HS3ST3B1: variants seen among roughly 807,000 people sequenced by gnomAD.
HS3ST3B1 encodes the protein heparan sulfate-glucosamine 3-sulfotransferase 3B1.
HS3ST3B1 carries 13 observed loss-of-function variants against 21.3 expected under a neutral mutation model. The observed-to-expected ratio is 0.61, with a 90% CI of 0.40 to 0.97. The LOEUF is 0.97. Among genes scored for constraint, HS3ST3B1 ranks in the 50% least tolerant of loss-of-function variants. The pLI is 0.00. For synonymous variants in HS3ST3B1, 234 were observed against 254.8 expected, an observed-to-expected ratio of 0.92 and a Z score of 0.78; for missense variants, 459 against 554.8, an observed-to-expected ratio of 0.83 and a Z score of 1.73.
chr17:14,301,444 C>T lies in HS3ST3B1; in HGVS notation c.-75C>T, dbSNP rs1908913191. On this transcript the variant is annotated 5_prime_UTR_variant, in exon 1 of 2. Transcript: ENST00000360954. ...CGGGCGTCCAGCGTGCCGGGGAACC[C>T]TCTCTGCGCTCACTGCCCGGCGGGA... 1.5e-6 allele frequency: 2 copies of T among 1,293,810 alleles called. No individual in the cohort carries two copies. Among genetic ancestry groups the T allele is most frequent in the East Asian group, 6.1e-5 (2 of 32,648 alleles). The allele number at this position is 1,293,810 out of a possible 1,614,324, so 80.1% of individuals were successfully genotyped here.
At chr17:14,342,069 A>C (rs1910401973) in intron 1 of HS3ST3B1, among the ~76,000 whole-genome samples, 1 of 152,182 alleles carries the variant, frequency 6.6e-6, no homozygotes, top group Admixed American at 6.5e-5. Context: ...GGCAGTCTGC[A>C]AGAAGGAGTG....
At chr17:14,319,470 G>T (rs1018028816) in intron 1 of HS3ST3B1, among the ~76,000 whole-genome samples, 1 of 152,138 alleles carries the variant, frequency 6.6e-6, no homozygotes, top group Non-Finnish European at 1.5e-5. Flanking sequence ...TGGTTTCTCT[G>T]TATCTGAATG....
intron 1 of HS3ST3B1, among the ~76,000 whole-genome samples, chr17:14,323,402 G>T (rs1682609678): frequency 6.6e-6 from 1 of 152,150 alleles, no homozygotes; most frequent in Non-Finnish European, 1.5e-5. Context: ...AACAAGTGAA[G>T]AATCATGTAT....
chr17:14,312,076 G>A (rs898623415), intron 1 of HS3ST3B1, among the ~76,000 whole-genome samples: 10 of 148,564 alleles, frequency 6.7e-5, no homozygotes, highest in African/African-American at 2.3e-4. Context: ...GTAAGAAGGG[G>A]CCAGAAAGTC....
At position 14,303,110 on chromosome 17, in the gene HS3ST3B1, G is replaced by A. The variant is rs999776482; in HGVS notation, c.554+1038G>A. On this transcript the variant is annotated intron_variant, in intron 1 of 1. Transcript: ENST00000360954. This position sits in a 1 kb window ranked among gnomAD's most constrained non-coding sequence, Gnocchi z 5.7. ...CGAGCTTCGGGTAAGGCGCGAGTGG[G>A]CAGGAGGTCTAGATTTCGGCCTCCG... Among the ~76,000 whole-genome samples, 1 of 152,094 alleles carries A rather than the reference G, an allele frequency of 6.6e-6. No homozygotes were observed. Among genetic ancestry groups the A allele is most frequent in the Non-Finnish European group, 1.5e-5 (1 of 68,014 alleles).
At position 14,301,424 on chromosome 17, in the gene HS3ST3B1, G is replaced by A; in HGVS notation, c.-95G>A. On this transcript the variant is annotated 5_prime_UTR_variant, in exon 1 of 2. Transcript: ENST00000360954. ...GGGCAATAAACCGAGCCACCCGGGC[G>A]TCCAGCGTGCCGGGGAACCCTCTCT... The A allele has an allele frequency of 8.7e-7, 1 of 1,150,708 alleles. No homozygotes were observed. The highest frequency in any genetic ancestry group is 1.1e-6 in the Non-Finnish European group (1 of 881,188). The allele number at this position is 1,150,708 out of a possible 1,614,324, so 71.3% of individuals were successfully genotyped here. A position where few individuals can be genotyped will look rare whatever the true frequency, so the allele number is the denominator to read the frequency against.
At chr17:14,325,868 T>C (rs1353272851) in intron 1 of HS3ST3B1, among the ~76,000 whole-genome samples, 2 of 152,214 alleles carry the variant, frequency 1.3e-5, no homozygotes, top group Non-Finnish European at 2.9e-5. Flanking sequence ...AAATCCAAAA[T>C]CTGTCTTAGC....
At chr17:14,311,760 G>T (rs1440324887) in intron 1 of HS3ST3B1, among the ~76,000 whole-genome samples, 1 of 152,134 alleles carries the variant, frequency 6.6e-6, no homozygotes, top group Non-Finnish European at 1.5e-5. Context: ...TCCCTGAGAA[G>T]CCTGTTTTAG....
At chr17:14,302,698 G>C (rs1441483201) in intron 1 of HS3ST3B1, among the ~76,000 whole-genome samples, 1 of 152,098 alleles carries the variant, frequency 6.6e-6, no homozygotes, top group East Asian at 2.0e-4. Flanking sequence ...TCCGCCTGGC[G>C]GGCGGGCGGC....
intron 1 of HS3ST3B1, among the ~76,000 whole-genome samples, chr17:14,342,619 T>C (rs1910423382): frequency 6.6e-6 from 1 of 152,216 alleles, no homozygotes; most frequent in Non-Finnish European, 1.5e-5. Context: ...CTAAGCATGT[T>C]ATAATTATTA....
At chr17:14,342,913 C>T (rs892129398) in intron 1 of HS3ST3B1, among the ~76,000 whole-genome samples, 2 of 152,140 alleles carry the variant, frequency 1.3e-5, no homozygotes, top group Non-Finnish European at 1.5e-5. Context: ...TTTGGGGGTA[C>T]AATATGATAT....
chr17:14,325,505 C>T (rs1421222557), intron 1 of HS3ST3B1, among the ~76,000 whole-genome samples: 3 of 152,148 alleles, frequency 2.0e-5, no homozygotes, highest in Non-Finnish European at 4.4e-5. Flanking sequence ...TTGTATATCT[C>T]TGGTCAAGAA....
chr17:14,315,654 T>A (rs1909474763), intron 1 of HS3ST3B1, among the ~76,000 whole-genome samples: 1 of 151,898 alleles, frequency 6.6e-6, no homozygotes, highest in South Asian at 2.1e-4. Context: ...GAAACCCTGT[T>A]TCTGCTAAAA....
chr17:14,323,084 C>A (rs1186122161), intron 1 of HS3ST3B1, among the ~76,000 whole-genome samples: 1 of 151,696 alleles, frequency 6.6e-6, no homozygotes, highest in African/African-American at 2.4e-5. Context: ...TTTTTTGTAT[C>A]TTTTGTAGAG....
chr17:14,336,641 T>C (rs2142349174), intron 1 of HS3ST3B1, among the ~76,000 whole-genome samples: 1 of 152,276 alleles, frequency 6.6e-6, no homozygotes, highest in South Asian at 2.1e-4. Flanking sequence ...CACTCTATTC[T>C]GGAGAGGAAA....
intron 1 of HS3ST3B1, among the ~76,000 whole-genome samples, chr17:14,326,709 AG>A (rs1484419128): frequency 6.6e-6 from 1 of 152,000 alleles, no homozygotes; most frequent in East Asian, 1.9e-4. Flanking sequence ...ACTTGAGGTC[AG>A]GGGTTTGAGA....
At position 14,347,544 on chromosome 17, in the gene HS3ST3B1, T is replaced by A. The variant is rs2142359543; in HGVS notation, c.*1898T>A. 1 of 152,336 alleles carries A rather than the reference T, an allele frequency of 6.6e-6. No homozygotes were observed. Among genetic ancestry groups the A allele is most frequent in the East Asian group, 1.9e-4 (1 of 5,190 alleles). 9.4% of individuals were successfully genotyped at this position (152,336 alleles called of 1,614,324 possible). A position where few individuals can be genotyped will look rare whatever the true frequency, so the allele number is the denominator to read the frequency against. ...GATAGTTACAAAGGACACTTTTGTA[T>A]GTTGTATGGGATCACTTGCCTGATA... On this transcript the variant is annotated 3_prime_UTR_variant, in exon 2 of 2. Coordinates refer to ENST00000360954, the MANE Select transcript of HS3ST3B1 (RefSeq NM_006041.3).
chr17:14,318,013 T>C (rs1189650108), intron 1 of HS3ST3B1, among the ~76,000 whole-genome samples: 1 of 152,120 alleles, frequency 6.6e-6, no homozygotes, highest in African/African-American at 2.4e-5. Context: ...TTCCCGATGG[T>C]GTTTGCAAAT....
intron 1 of HS3ST3B1, among the ~76,000 whole-genome samples, chr17:14,310,718 C>T (rs368575205): frequency 4.6e-5 from 7 of 152,148 alleles, no homozygotes; most frequent in African/African-American, 1.7e-4. Flanking sequence ...CCTTGTGTAC[C>T]GGAAACTCTC....
Sources: allele counts gnomAD v4.1 joint callset (sites outside exome capture counted in the v4.1 genomes callset), GRCh38; gene constraint gnomAD v4.1.1; non-coding constraint Gnocchi (gnomAD v3.1); transcripts MANE v1.5; gene names NCBI Gene and HGNC (gene_info 2026-07-23, HGNC 2026-07-21).